Variants in RNF220 observed in about 807,000 individuals in gnomAD.
The protein encoded by RNF220 is ring finger protein 220, also known as E3 ubiquitin-protein ligase RNF220.
In RNF220, 7 loss-of-function variants were observed where a neutral mutation model predicts 67.1. That is an observed-to-expected ratio of 0.10 (90% CI 0.06 to 0.20). The LOEUF is 0.20. Ranked by LOEUF, RNF220 falls within the 10% of genes least tolerant of loss-of-function variation. The probability of loss-of-function intolerance (pLI) is 1.00; values close to 1 mark genes in which losing one functional copy is unlikely to be tolerated. For synonymous variants in RNF220, 270 were observed against 283.2 expected, an observed-to-expected ratio of 0.95 and a Z score of 0.47; for missense variants, 565 against 740.3, an observed-to-expected ratio of 0.76 and a Z score of 2.75.
chr1:44,489,258 G>A (rs1656633141), intron 2 of RNF220, among the ~76,000 whole-genome samples: 1 of 152,142 alleles, frequency 6.6e-6, no homozygotes, highest in Non-Finnish European at 1.5e-5. Context: ...TAGGTAAGGG[G>A]CCACGTGATA....
At chr1:44,432,162 A>G (rs1040928237) in intron 2 of RNF220, among the ~76,000 whole-genome samples, 1 of 150,340 alleles carries the variant, frequency 6.7e-6, no homozygotes, top group Non-Finnish European at 1.5e-5. Context: ...AGCACTTTGA[A>G]TTTTTTTTTT....
chr1:44,632,302 T>C, intron 5 of RNF220, 41 bp from the exon 6 acceptor site: 1 of 1,613,962 alleles, frequency 6.2e-7, no homozygotes, highest in Non-Finnish European at 8.5e-7. Flanking sequence ...CGCCTGACGC[T>C]CTCTTTTCTT....
chr1:44,462,685 A>G (rs1365766085), intron 2 of RNF220, among the ~76,000 whole-genome samples: 1 of 152,202 alleles, frequency 6.6e-6, no homozygotes, highest in African/African-American at 2.4e-5. Flanking sequence ...AAAATGAAGT[A>G]TAGATGCTTC....
intron 12 of RNF220, among the ~76,000 whole-genome samples, chr1:44,646,628 A>T (rs1437938425): frequency 6.6e-6 from 1 of 152,168 alleles, no homozygotes; most frequent in East Asian, 1.9e-4. Flanking sequence ...GAAAGACAAG[A>T]TCATTAATCA....
chr1:44,515,558 C>T (rs1363444901), intron 2 of RNF220, among the ~76,000 whole-genome samples: 1 of 152,182 alleles, frequency 6.6e-6, no homozygotes, highest in Non-Finnish European at 1.5e-5. Context: ...AGGATGCCTG[C>T]TCTATTCCAG....
At chr1:44,591,790 A>G (rs1025452933) in intron 2 of RNF220, among the ~76,000 whole-genome samples, 1 of 151,812 alleles carries the variant, frequency 6.6e-6, no homozygotes, top group Non-Finnish European at 1.5e-5. Context: ...TCCTCCAGCC[A>G]TACTAGTCCT....
At chr1:44,623,654 G>A (rs1260804072) in intron 4 of RNF220, among the ~76,000 whole-genome samples, 1 of 152,208 alleles carries the variant, frequency 6.6e-6, no homozygotes, top group Non-Finnish European at 1.5e-5. Context: ...TTTGGGAATG[G>A]GTGGAATCAG....
intron 2 of RNF220, among the ~76,000 whole-genome samples, chr1:44,450,139 G>A (rs569094642): frequency 1.3e-5 from 2 of 152,246 alleles, no homozygotes; most frequent in South Asian, 2.1e-4. Context: ...AACCTGGGAG[G>A]TAGAGGTTGC....
chr1:44,581,938 A>G (rs887226268), intron 2 of RNF220, among the ~76,000 whole-genome samples: 5 of 152,122 alleles, frequency 3.3e-5, no homozygotes, highest in African/African-American at 7.2e-5. Context: ...GCTGGTGTCA[A>G]TGTGGCCAAG....
rs187902903 is a variant in RNF220, at chr1:44,533,028, G to A, written c.626-81137G>A. 5.3e-5 allele frequency among the ~76,000 whole-genome samples: 8 copies of A among 152,330 alleles called. 1 individual carries two copies. The East Asian group carries it at 1.3e-3, about 26-fold the overall frequency. On this transcript the variant is annotated intron_variant, in intron 2 of 14. Transcript: ENST00000361799. ...GCACCTTTAAAGACCAGACTAAAAG[G>A]AAGGAGGAAATAGATGGCAATAAAA...
At chr1:44,464,806 GA>G (rs1037262194) in intron 2 of RNF220, among the ~76,000 whole-genome samples, 1 of 152,080 alleles carries the variant, frequency 6.6e-6, no homozygotes, top group African/African-American at 2.4e-5. Context: ...TGCTTGCCTA[GA>G]TTGCCGCTAT....
chr1:44,545,187 A>T (rs1033436932), intron 2 of RNF220, among the ~76,000 whole-genome samples: 1 of 152,232 alleles, frequency 6.6e-6, no homozygotes, highest in Admixed American at 6.5e-5. Flanking sequence ...GCCTCACAGA[A>T]GAGCCAGTCA....
At chr1:44,423,038 C>G (rs1189103764) in intron 2 of RNF220, among the ~76,000 whole-genome samples, 1 of 152,154 alleles carries the variant, frequency 6.6e-6, no homozygotes, top group Admixed American at 6.5e-5. Context: ...AGATTATAGC[C>G]CCTGCCTTAC....
At chr1:44,423,890 A>T (rs1470386850) in intron 2 of RNF220, 1 of 985,334 alleles carries the variant, frequency 1.0e-6, no homozygotes, top group Non-Finnish European at 1.2e-6. Context: ...AAAAAAAGAA[A>T]GCGAAGCAAA....
At position 44,621,711 on chromosome 1, in the gene RNF220, C is replaced by T. The variant is rs1431088297; in HGVS notation, c.759-1031C>T. On this transcript the variant is annotated intron_variant, in intron 3 of 14. Transcript: ENST00000361799. This position sits in a 1 kb window ranked among gnomAD's most constrained non-coding sequence, Gnocchi z 4.8. The stretch of plus-strand genomic sequence containing the variant: ...TGTGGATGTTCCTTATGTCTACACT[C>T]GTTAAGTCCCTATGTGCCCCATGCA... Among the ~76,000 whole-genome samples the T allele has an allele frequency of 1.3e-5, 2 of 152,194 alleles. No homozygotes were observed. Among genetic ancestry groups the T allele is most frequent in the South Asian group, 2.1e-4 (1 of 4,830 alleles).
chr1:44,543,910 T>C (rs1016186047), intron 2 of RNF220, among the ~76,000 whole-genome samples: 8 of 152,184 alleles, frequency 5.3e-5, no homozygotes, highest in African/African-American at 1.9e-4. Context: ...TACTGGGCAG[T>C]GGCGAGTGGT....
Position 44,461,688 on chromosome 1 carries a change from G to T in RNF220, c.625+48966G>T, listed in dbSNP as rs148669617. On this transcript the variant is annotated intron_variant, in intron 2 of 14. Coordinates refer to ENST00000361799, the MANE Select transcript of RNF220 (RefSeq NM_018150.4). ...ACTGGGTCAGGCCATGAAGGTGCAT[G>T]ATGAGAGCTTGTCAGGGGACATGAA... Among the ~76,000 whole-genome samples, 19 of 152,296 alleles carry T rather than the reference G, an allele frequency of 1.2e-4. No homozygotes were observed. The South Asian group carries it at 3.7e-3, about 30-fold the overall frequency.
intron 2 of RNF220, among the ~76,000 whole-genome samples, chr1:44,513,753 C>G (rs1572732572): frequency 6.6e-6 from 1 of 152,154 alleles, no homozygotes; most frequent in Non-Finnish European, 1.5e-5. Context: ...TCTTCTTCCC[C>G]CCAGGGCATG....
intron 2 of RNF220, among the ~76,000 whole-genome samples, chr1:44,569,898 G>A (rs573856618): frequency 1.3e-5 from 2 of 152,282 alleles, no homozygotes; most frequent in South Asian, 4.1e-4. Flanking sequence ...AGTCTGAAAG[G>A]GGTAGCAGGC....
Sources: allele counts gnomAD v4.1 joint callset (sites outside exome capture counted in the v4.1 genomes callset), GRCh38; gene constraint gnomAD v4.1.1; non-coding constraint Gnocchi (gnomAD v3.1); transcripts MANE v1.5; gene names NCBI Gene and HGNC (gene_info 2026-07-23, HGNC 2026-07-21).